The following FRMPD2 variants were observed in gnomAD, a reference collection of about 807,000 sequenced individuals.
FRMPD2 encodes the protein FERM and PDZ domain containing 2, also known as FERM and PDZ domain-containing protein 2.
A neutral mutation model predicts 140.1 loss-of-function variants in FRMPD2; 96 were observed. That is an observed-to-expected ratio of 0.69 (90% confidence interval 0.58 to 0.81). The LOEUF is 0.81. FRMPD2 is among the 40% of genes least tolerant of loss of function. The pLI, the probability that FRMPD2 is intolerant of heterozygous loss-of-function variation, is 0.00. For synonymous variants in FRMPD2, 449 were observed against 547.6 expected, an observed-to-expected ratio of 0.82 and a Z score of 2.52; for missense variants, 1,240 against 1,447.4, an observed-to-expected ratio of 0.86 and a Z score of 2.32.
chr10:48,248,116 G>A (rs914301198), intron 3 of FRMPD2, among the ~76,000 whole-genome samples: 6 of 152,186 alleles, frequency 3.9e-5, no homozygotes, highest in Admixed American at 3.9e-4. Context: ...AATGCCTCCC[G>A]AGGGTAGCAG....
rs758317200 is a variant in FRMPD2, at chr10:48,249,094, A to G, written c.236T>C (p.Ile79Thr). Residue 79 changes from isoleucine to threonine, a missense_variant, in exon 3 of 29, where the codon ATA (isoleucine) becomes ACA (threonine). Around this residue, in one of 6 missense-constraint regions of FRMPD2, gnomAD observed 1,161 missense variants for 1,055.9 expected, o/e 1.10. Coordinates refer to ENST00000374201, the MANE Select transcript of FRMPD2 (RefSeq NM_001018071.4). Reference sequence around the variant, plus strand: ...AGGGGCCTTGAAAGGAGCAGCCTCTATATGAGAAACACGGCCTTGGAAAGA... The same window carrying G: ...AGGGGCCTTGAAAGGAGCAGCCTCTGTATGAGAAACACGGCCTTGGAAAGA... ...SLSFQGRVSH[I>T]EAAPFKAPEL... 9 of 1,613,934 alleles carry G rather than the reference A, an allele frequency of 5.6e-6. No homozygotes were observed. The highest frequency in any genetic ancestry group is 1.7e-5 in the Admixed American group (1 of 60,008).
At chr10:48,257,017 G>T (rs1380221174) in intron 1 of FRMPD2, among the ~76,000 whole-genome samples, 1 of 152,124 alleles carries the variant, frequency 6.6e-6, no homozygotes, top group African/African-American at 2.4e-5. Flanking sequence ...TGAAGTCAGG[G>T]TGTCCGCAGG....
intron 8 of FRMPD2, 126 bp downstream of exon 8, chr10:48,237,865 T>C: frequency 8.5e-7 from 1 of 1,172,608 alleles, no homozygotes; most frequent in Non-Finnish European, 1.3e-6. Flanking sequence ...AGTCCAATCC[T>C]ATAAACCTCA....
Position 48,170,970 on chromosome 10 carries a change from T to C in FRMPD2, c.3438+24A>G, listed in dbSNP as rs1268822439. On this transcript the variant is annotated intron_variant, in intron 26 of 28. Transcript: ENST00000374201. ...GCTGGGGCCAGCCTGCACAGAGAGCTGCATTGCCCATGACCCCCGGCACCT... is the reference window on the plus strand; with the variant it reads ...GCTGGGGCCAGCCTGCACAGAGAGCCGCATTGCCCATGACCCCCGGCACCT... 1.8e-5 allele frequency: 13 copies of C among 715,926 alleles called. No homozygotes were observed. In the African/African-American group the frequency reaches 2.1e-4, roughly 12 times the overall value. 44.3% of individuals were successfully genotyped at this position (715,926 alleles called of 1,614,324 possible).
At chr10:48,200,197 T>TAAATAAAAAAAAAAAA (rs1554794425) in intron 15 of FRMPD2, among the ~76,000 whole-genome samples, 6 of 139,628 alleles carry the variant, frequency 4.3e-5, no homozygotes, top group African/African-American at 5.4e-5. Flanking sequence ...AATAAATAAA[T>TAAATAAAAAAAAAAAA]AAAACAGAGC....
rs116195734 is a variant in FRMPD2, at chr10:48,240,941, C to T, written c.568-449G>A. ...ACATCTCTGTGTGCTTTATGCACCA[C>T]CGTAGCACACCTAATGCAGTGCCCA... On this transcript the variant is annotated intron_variant, in intron 5 of 28. Transcript: ENST00000374201. 2.6e-3 allele frequency among the ~76,000 whole-genome samples: 389 copies of T among 152,332 alleles called. 3 individuals are homozygous for T. The highest frequency in any genetic ancestry group is 8.7e-3 in the African/African-American group (363 of 41,574).
chr10:48,204,532 T>C (rs1258184092), intron 14 of FRMPD2, among the ~76,000 whole-genome samples: 2 of 152,200 alleles, frequency 1.3e-5, no homozygotes, highest in Admixed American at 6.5e-5. Flanking sequence ...AGCGCCATCA[T>C]ACAGAAAAAT....
intron 1 of FRMPD2, among the ~76,000 whole-genome samples, chr10:48,254,267 C>T (rs1432625840): frequency 6.6e-6 from 1 of 152,184 alleles, no homozygotes; most frequent in African/African-American, 2.4e-5. Flanking sequence ...TCTGAATTTC[C>T]CTGGCTGGCC....
chr10:48,205,500 T>C lies in FRMPD2; in HGVS notation c.1797+1248A>G, dbSNP rs558356125. On this transcript the variant is annotated intron_variant, in intron 14 of 28. Coordinates refer to ENST00000374201, the MANE Select transcript of FRMPD2 (RefSeq NM_001018071.4). ...CTGCATTTTTATGAATATTTTGAAA[T>C]AGTGCATTGAAAAATCTGAACAATT... Among the ~76,000 whole-genome samples the C allele has an allele frequency of 5.9e-5, 9 of 152,334 alleles. No homozygotes were observed. In the South Asian group the frequency reaches 1.9e-3, roughly 32 times the overall value.
chr10:48,214,516 G>A (rs544490059), intron 12 of FRMPD2, among the ~76,000 whole-genome samples: 3 of 152,170 alleles, frequency 2.0e-5, no homozygotes, highest in Non-Finnish European at 4.4e-5. Context: ...GGAGAAGGCT[G>A]TGCATGTAGA....
chr10:48,194,204 A>G (rs1838902166), intron 15 of FRMPD2, among the ~76,000 whole-genome samples: 1 of 152,188 alleles, frequency 6.6e-6, no homozygotes, highest in African/African-American at 2.4e-5. Flanking sequence ...CAATAACCCT[A>G]TGGGGTAGAT....
At chr10:48,179,575 A>T (rs1206165497) in intron 21 of FRMPD2, among the ~76,000 whole-genome samples, 2 of 151,520 alleles carry the variant, frequency 1.3e-5, no homozygotes, top group Non-Finnish European at 2.9e-5. Flanking sequence ...CATTTCCATA[A>T]GAAGGCTCAC....
chr10:48,206,827 A>G lies in FRMPD2; in HGVS notation c.1718T>C (p.Ile573Thr), dbSNP rs1280151623. 4 of 1,614,082 alleles carry G rather than the reference A, an allele frequency of 2.5e-6. No individual in the cohort carries two copies. Among genetic ancestry groups the G allele is most frequent in the Admixed American group, 1.7e-5 (1 of 60,018 alleles). ...GCTGTTGTTTTTCACTTCATAGACT[A>G]TGACACCCTTGGCACAGATCCCCAG... Reference protein sequence around the residue: ...MALGICAKGVIVYEVKNNSRI... With the variant: ...MALGICAKGVTVYEVKNNSRI... The change falls in exon 14 of 29, where the codon ATA (isoleucine) becomes ACA (threonine). Residue 573 changes from isoleucine to threonine, a missense_variant. By Grantham distance (89) the Ile-to-Thr change is moderately conservative. Transcript: ENST00000374201.
intron 13 of FRMPD2, among the ~76,000 whole-genome samples, chr10:48,209,513 GTCT>G (rs1311185333): frequency 1.3e-5 from 2 of 152,092 alleles, no homozygotes; most frequent in Non-Finnish European, 2.9e-5. Context: ...CCCAATAATG[GTCT>G]TCTCCTTTTT....
At chr10:48,208,863 C>A (rs1033577349) in intron 13 of FRMPD2, among the ~76,000 whole-genome samples, 3 of 152,240 alleles carry the variant, frequency 2.0e-5, no homozygotes, top group African/African-American at 7.2e-5. Flanking sequence ...GCACTCCTGG[C>A]TGCCAGCCAC....
At chr10:48,163,935 G>T (rs2132391670) in intron 27 of FRMPD2, among the ~76,000 whole-genome samples, 1 of 151,352 alleles carries the variant, frequency 6.6e-6, no homozygotes, top group East Asian at 1.9e-4. Context: ...TTTAGACAAA[G>T]ATAAAAATGG....
chr10:48,221,480 A>C (rs554913540), intron 12 of FRMPD2, among the ~76,000 whole-genome samples: 3 of 152,360 alleles, frequency 2.0e-5, no homozygotes, highest in Non-Finnish European at 2.9e-5. Context: ...TGTTGGGTGC[A>C]GTGTACACTG....
At chr10:48,182,721 G>C (rs1216260441) in intron 20 of FRMPD2, among the ~76,000 whole-genome samples, 1 of 152,262 alleles carries the variant, frequency 6.6e-6, no homozygotes, top group Non-Finnish European at 1.5e-5. Flanking sequence ...TCTAATGTGA[G>C]GTTGTGGTTT....
At chr10:48,191,145 G>A (rs1397123245) in intron 16 of FRMPD2, among the ~76,000 whole-genome samples, 2 of 152,130 alleles carry the variant, frequency 1.3e-5, no homozygotes, top group Non-Finnish European at 2.9e-5. Flanking sequence ...CTTCTTTTTG[G>A]GATCTTGGAG....
Sources: gnomAD v4.1 joint callset for allele counts (sites outside exome capture counted in the v4.1 genomes callset) on GRCh38, gnomAD v4.1.1 for gene constraint, gnomAD v4.1.1 regional missense constraint, MANE v1.5 for transcripts, NCBI Gene and HGNC (gene_info 2026-07-23, HGNC 2026-07-21) for gene names.